The following SPP2 variants were observed in gnomAD, a reference collection of about 807,000 sequenced individuals.
The protein encoded by SPP2 is secreted phosphoprotein 2.
Under a neutral mutation model 28.8 loss-of-function variants are expected in SPP2, and 34 were observed. The ratio of observed to expected loss-of-function variants is 1.18; its 90% CI spans 0.90 to 1.57. The LOEUF is 1.57. SPP2 is among the 40% of genes most tolerant of loss of function. The pLI, the probability that SPP2 is intolerant of heterozygous loss-of-function variation, is 0.00. For synonymous variants in SPP2, 96 were observed against 89.4 expected (o/e 1.07, Z -0.42); for missense variants, 269 against 263.9 (o/e 1.02, Z -0.13).
At chr2:234,068,497 G>A (rs1378782630) in intron 6 of SPP2, among the ~76,000 whole-genome samples, 1 of 152,126 alleles carries the variant, frequency 6.6e-6, no homozygotes, top group Non-Finnish European at 1.5e-5. Flanking sequence ...ATTTCAATGA[G>A]CTCAAAGTCT....
At position 234,060,402 on chromosome 2, in the gene SPP2, T is replaced by C. The variant is rs1272410394; in HGVS notation, c.367T>C (p.Ser123Pro). The C allele has an allele frequency of 5.0e-6, 8 of 1,613,938 alleles. No individual in the cohort carries two copies. The highest frequency in any genetic ancestry group is 5.9e-6 in the Non-Finnish European group (7 of 1,179,970). ...TGTTTGCAGAAGCACCGTGAAGGTA[T>C]CTGCCCAGCAGGTGCAGGGCGTGCA... is the stretch of plus-strand genomic sequence containing the variant. ...TAVCRSTVKV[S>P]AQQVQGVHAR... Residue 123 changes from serine (S) to proline (P), a missense_variant, in exon 4 of 8, where the codon TCT (serine) becomes CCT (proline). Ser to Pro is a moderately conservative substitution (Grantham distance 74). Transcript: ENST00000168148.
At chr2:234,067,961 G>A (rs994803182) in intron 6 of SPP2, among the ~76,000 whole-genome samples, 7 of 151,690 alleles carry the variant, frequency 4.6e-5, no homozygotes, top group African/African-American at 1.7e-4. Context: ...TGGGTACATA[G>A]GAGGTATATA....
rs377665604 is a variant in SPP2 at position 234,050,963 on chromosome 2, G to A, written c.86-8G>A. The A allele has an allele frequency of 1.3e-4, 215 of 1,613,852 alleles. No homozygotes were observed. The highest frequency in any genetic ancestry group is 1.7e-4 in the Non-Finnish European group (196 of 1,179,926). On this transcript the variant is annotated splice_region_variant and splice_polypyrimidine_tract_variant and intron_variant, in intron 1 of 7. Coordinates refer to ENST00000168148, the MANE Select transcript of SPP2 (RefSeq NM_006944.3). ...GTCTCACTGTGCCCCATGTGCTTGC[G>A]TGTCCAGGTTTCCCAGTGTACGACT...
At chr2:234,063,720 G>A (rs765914481) in intron 4 of SPP2, among the ~76,000 whole-genome samples, 2 of 152,160 alleles carry the variant, frequency 1.3e-5, no homozygotes, top group South Asian at 2.1e-4. Flanking sequence ...ATGGTACAAT[G>A]TATTACAGTT....
intron 4 of SPP2, among the ~76,000 whole-genome samples, chr2:234,065,928 T>A (rs1693809567): frequency 1.3e-5 from 2 of 152,232 alleles, no homozygotes; most frequent in African/African-American, 4.8e-5. Context: ...TCTGGTAGTA[T>A]CAGCACTATC....
At chr2:234,053,803 A>G (rs961668218) in intron 2 of SPP2, among the ~76,000 whole-genome samples, 1 of 151,990 alleles carries the variant, frequency 6.6e-6, no homozygotes, top group Non-Finnish European at 1.5e-5. Flanking sequence ...AGAGAAAGGA[A>G]AGGTGGGCAT....
At chr2:234,055,773 G>C (rs1455849284) in intron 2 of SPP2, among the ~76,000 whole-genome samples, 1 of 151,848 alleles carries the variant, frequency 6.6e-6, no homozygotes, top group East Asian at 1.9e-4. Context: ...AGAAAAATAG[G>C]ACAATACTGT....
rs568509893 is a variant in SPP2, at chr2:234,076,069, A to G, written c.*11-776A>G. 2.6e-5 allele frequency among the ~76,000 whole-genome samples: 4 copies of G among 152,204 alleles called. No homozygotes were observed. The East Asian group carries it at 7.7e-4, about 29-fold the overall frequency. On this transcript the variant is annotated intron_variant, in intron 7 of 7. Coordinates refer to ENST00000168148, the MANE Select transcript of SPP2 (RefSeq NM_006944.3). ...GGTGGCTGTGTCTTGTTTCCCTCAA[A>G]GGCACCTGTGCACTGTCATCAGAGT...
intron 2 of SPP2, among the ~76,000 whole-genome samples, chr2:234,057,430 G>A (rs1186166753): frequency 6.6e-6 from 1 of 152,188 alleles, no homozygotes; most frequent in Non-Finnish European, 1.5e-5. Flanking sequence ...TCAAGGCTCA[G>A]TTTAAATTTG....
chr2:234,057,050 G>A (rs1473841490), intron 2 of SPP2, among the ~76,000 whole-genome samples: 1 of 152,054 alleles, frequency 6.6e-6, no homozygotes, highest in Non-Finnish European at 1.5e-5. Flanking sequence ...GCTGCAAGGT[G>A]GGTTCAGAAA....
chr2:234,058,962 A>G lies in SPP2; in HGVS notation c.333+4A>G. Reference sequence around the variant, plus strand: ...CTTCCAGAGGGACTACTATGTGGTAAGTGGGAGGAGACCCATCCCAGAAAT... The same window carrying G: ...CTTCCAGAGGGACTACTATGTGGTAGGTGGGAGGAGACCCATCCCAGAAAT... On this transcript the variant is annotated splice_donor_region_variant and intron_variant, in intron 3 of 7. Coordinates refer to ENST00000168148, the MANE Select transcript of SPP2 (RefSeq NM_006944.3). The G allele has an allele frequency of 6.2e-7, 1 of 1,610,880 alleles. No homozygotes were observed.
chr2:234,069,529 A>G (rs893752673), intron 6 of SPP2, among the ~76,000 whole-genome samples: 2 of 152,224 alleles, frequency 1.3e-5, no homozygotes, highest in Non-Finnish European at 2.9e-5. Context: ...AGCATCATTG[A>G]CACAGAAGTG....
At chr2:234,073,893 A>C (rs1690845020) in intron 7 of SPP2, among the ~76,000 whole-genome samples, 1 of 152,214 alleles carries the variant, frequency 6.6e-6, no homozygotes, top group African/African-American at 2.4e-5. Flanking sequence ...GATTTTATCC[A>C]TTTATTCAAC....
chr2:234,056,238 C>A (rs1331567202), intron 2 of SPP2: 1 of 151,946 alleles, frequency 6.6e-6, no homozygotes, highest in Non-Finnish European at 1.5e-5. Context: ...AACAAACAAC[C>A]CCATCAACAA....
chr2:234,071,765 G>A (rs1469392087), intron 7 of SPP2, among the ~76,000 whole-genome samples: 1 of 152,214 alleles, frequency 6.6e-6, no homozygotes, highest in African/African-American at 2.4e-5. Flanking sequence ...AGGCACTGAG[G>A]TACTTGCAGC....
At chr2:234,061,598 A>G (rs1209050728) in intron 4 of SPP2, among the ~76,000 whole-genome samples, 1 of 152,222 alleles carries the variant, frequency 6.6e-6, no homozygotes, top group East Asian at 1.9e-4. Context: ...AAAATATTAT[A>G]AAATTTCTAC....
At chr2:234,071,922 G>A (rs1287936141) in intron 7 of SPP2, among the ~76,000 whole-genome samples, 1 of 152,038 alleles carries the variant, frequency 6.6e-6, no homozygotes, top group Non-Finnish European at 1.5e-5. Context: ...GTCCCTTTTT[G>A]GGCCTCTGTA....
intron 7 of SPP2, 88 bp downstream of exon 7, chr2:234,070,111 G>A: frequency 4.9e-6 from 5 of 1,013,410 alleles, no homozygotes; most frequent in Non-Finnish European, 7.6e-6. Context: ...TCAAATATCT[G>A]CAATATGCTA....
At chr2:234,061,227 T>C (rs2125458425) in intron 4 of SPP2, among the ~76,000 whole-genome samples, 1 of 152,326 alleles carries the variant, frequency 6.6e-6, no homozygotes, top group Non-Finnish European at 1.5e-5. Context: ...TGTCCAATTA[T>C]TGGCTGCTTT....
Sources: gnomAD v4.1 joint callset for allele counts (sites outside exome capture counted in the v4.1 genomes callset) on GRCh38, gnomAD v4.1.1 for gene constraint, MANE v1.5 for transcripts, NCBI Gene and HGNC (gene_info 2026-07-23, HGNC 2026-07-21) for gene names.